RAB40B: variants seen among roughly 807,000 people sequenced by gnomAD.
The protein encoded by RAB40B is RAB40B, member RAS oncogene family, also known as ras-related protein Rab-40B.
In RAB40B, 21 loss-of-function variants were observed where a neutral mutation model predicts 24.0. The observed-to-expected ratio is 0.88, with a 90% CI of 0.62 to 1.26. The LOEUF is 1.26. Ranked by LOEUF, RAB40B falls within the 50% of genes most tolerant of loss-of-function variation. The pLI, the probability that RAB40B is intolerant of heterozygous loss-of-function variation, is 0.00. For missense variants in RAB40B, 348 were observed against 390.5 expected (o/e 0.89, Z 0.92); for synonymous variants, 167 against 169.8 (o/e 0.98, Z 0.13).
intron 3 of RAB40B, among the ~76,000 whole-genome samples, chr17:82,660,551 C>T (rs1021620482): frequency 1.3e-5 from 2 of 151,352 alleles, no homozygotes; most frequent in Non-Finnish European, 1.5e-5. Flanking sequence ...CCTACACACA[C>T]GTGTACACAC....
intron 1 of RAB40B, among the ~76,000 whole-genome samples, chr17:82,696,089 C>T (rs964578662): frequency 2.0e-5 from 3 of 152,108 alleles, no homozygotes; most frequent in African/African-American, 7.2e-5. Context: ...AGGCTGGTCT[C>T]GAACCCCTGA....
chr17:82,683,771 C>G (rs1037083417), intron 1 of RAB40B, among the ~76,000 whole-genome samples: 1 of 139,034 alleles, frequency 7.2e-6, no homozygotes, highest in African/African-American at 2.7e-5. Context: ...CACCACTGCA[C>G]TCCAGCCTGG....
chr17:82,662,323 G>A, intron 2 of RAB40B: 1 of 985,488 alleles, frequency 1.0e-6, no homozygotes, highest in Non-Finnish European at 1.2e-6. Flanking sequence ...CTGCCCAAAA[G>A]CTATGGTCGA....
intron 2 of RAB40B, chr17:82,661,860 C>T (rs1210877879): frequency 3.2e-6 from 3 of 940,156 alleles, no homozygotes; most frequent in Non-Finnish European, 2.5e-6. Context: ...GCACTCCAGC[C>T]TGGGAGACAG....
chr17:82,678,029 T>TTCA (rs2046411842), intron 1 of RAB40B, among the ~76,000 whole-genome samples: 1 of 152,236 alleles, frequency 6.6e-6, no homozygotes, highest in Admixed American at 6.5e-5. Context: ...CTTTCATAGC[T>TTCA]ATGTTCAAAT....
chr17:82,686,852 G>T (rs138853791), intron 1 of RAB40B, among the ~76,000 whole-genome samples: 1 of 152,044 alleles, frequency 6.6e-6, no homozygotes, highest in African/African-American at 2.4e-5. Flanking sequence ...CGTTCCTCCC[G>T]TCCAGTGCTG....
chr17:82,682,803 T>A (rs1291400105), intron 1 of RAB40B, among the ~76,000 whole-genome samples: 1 of 152,100 alleles, frequency 6.6e-6, no homozygotes, highest in African/African-American at 2.4e-5. Context: ...CAATTAGACA[T>A]CCCTGTGCAA....
chr17:82,684,131 G>A (rs2143535093), intron 1 of RAB40B, among the ~76,000 whole-genome samples: 1 of 149,844 alleles, frequency 6.7e-6, no homozygotes, highest in Admixed American at 6.8e-5. Context: ...TGAGGCAGGA[G>A]AATCGCTTGA....
intron 1 of RAB40B, among the ~76,000 whole-genome samples, chr17:82,680,847 T>C (rs2046441726): frequency 6.6e-6 from 1 of 151,996 alleles, no homozygotes; most frequent in East Asian, 1.9e-4. Flanking sequence ...CTGGATAACA[T>C]GGTGAAACCC....
At position 82,698,694 on chromosome 17, in the gene RAB40B, T is replaced by C. The variant is rs1368099728; in HGVS notation, c.-98A>G. ...AGGCGCCGCGCGGGCCCCGAGTCCTTGCTCGCCTCCGGCCCCGCCCCGCCG... is the reference window on the plus strand; with the variant it reads ...AGGCGCCGCGCGGGCCCCGAGTCCTCGCTCGCCTCCGGCCCCGCCCCGCCG... On this transcript the variant is annotated 5_prime_UTR_variant, in exon 1 of 6. Transcript: ENST00000571995. The C allele has an allele frequency of 3.2e-6, 3 of 950,690 alleles. No individual in the cohort carries two copies. Among genetic ancestry groups the C allele is most frequent in the Non-Finnish European group, 2.6e-6 (2 of 766,034 alleles). The allele number at this position is 950,690 out of a possible 1,614,324, so 58.9% of individuals were successfully genotyped here. A position where few individuals can be genotyped will look rare whatever the true frequency, so the allele number is the denominator to read the frequency against.
intron 1 of RAB40B, among the ~76,000 whole-genome samples, chr17:82,669,736 C>T (rs2046308854): frequency 6.6e-6 from 1 of 152,196 alleles, no homozygotes; most frequent in South Asian, 2.1e-4. Flanking sequence ...GCGGGAGCTT[C>T]AGGCCCTGTG....
chr17:82,660,568 G>T (rs909843600), intron 3 of RAB40B, among the ~76,000 whole-genome samples: 3 of 134,408 alleles, frequency 2.2e-5, no homozygotes, highest in Admixed American at 7.4e-5. Flanking sequence ...ACACACACAC[G>T]CACAGGCACT....
At chr17:82,690,436 G>A (rs1485743502) in intron 1 of RAB40B, among the ~76,000 whole-genome samples, 1 of 134,582 alleles carries the variant, frequency 7.4e-6, no homozygotes, top group African/African-American at 3.3e-5. Context: ...GTGCACGTGT[G>A]TCCAGGAGAA....
chr17:82,665,703 C>T (rs1343196958), intron 1 of RAB40B, among the ~76,000 whole-genome samples: 1 of 151,992 alleles, frequency 6.6e-6, no homozygotes, highest in Non-Finnish European at 1.5e-5. Flanking sequence ...CCCATCTCTA[C>T]TAAAAATTCA....
intron 4 of RAB40B, chr17:82,659,150 T>G: frequency 4.1e-6 from 1 of 242,722 alleles, no homozygotes. Context: ...GCCCAGGTTG[T>G]GGTCGTCGGT....
chr17:82,664,118 G>A (rs1217810192), intron 2 of RAB40B, among the ~76,000 whole-genome samples: 1 of 131,652 alleles, frequency 7.6e-6, no homozygotes, highest in Non-Finnish European at 1.6e-5. Context: ...TGGGGGGAGG[G>A]TGCTCCCTGG....
At chr17:82,658,299 C>G (rs541405598) in intron 5 of RAB40B, 165 bp from the exon 6 acceptor site, 12 of 1,108,814 alleles carry the variant, frequency 1.1e-5, no homozygotes, top group Admixed American at 1.1e-4. Flanking sequence ...TGCCCACGTA[C>G]AGATCCCAGG....
intron 3 of RAB40B, among the ~76,000 whole-genome samples, chr17:82,660,112 CAT>C (rs2046145082): frequency 6.7e-6 from 1 of 150,228 alleles, no homozygotes; most frequent in South Asian, 2.1e-4. Context: ...ACACAGTGCA[CAT>C]ACCTGCACAC....
intron 1 of RAB40B, among the ~76,000 whole-genome samples, chr17:82,674,849 C>A (rs2046380556): frequency 6.6e-6 from 1 of 151,932 alleles, no homozygotes; most frequent in Non-Finnish European, 1.5e-5. Flanking sequence ...GAAAGCAGGG[C>A]CAGGGTGTGT....
Sources: gnomAD v4.1 joint callset for allele counts (sites outside exome capture counted in the v4.1 genomes callset) on GRCh38, gnomAD v4.1.1 for gene constraint, MANE v1.5 for transcripts, NCBI Gene and HGNC (gene_info 2026-07-23, HGNC 2026-07-21) for gene names.